Variants in TP73 observed in about 807,000 individuals in gnomAD.
TP73 encodes the protein p53-like transcription factor.
TP73 carries 25 observed loss-of-function variants against 62.5 expected under a neutral mutation model. The ratio of observed to expected loss-of-function variants is 0.40; its 90% CI spans 0.29 to 0.56. The LOEUF (loss-of-function observed/expected upper bound fraction) is 0.56. Ranked by LOEUF, TP73 falls within the 20% of genes least tolerant of loss-of-function variation. The pLI is 0.46. For synonymous variants in TP73, 423 were observed against 377.5 expected, an observed-to-expected ratio of 1.12 and a Z score of -1.40; for missense variants, 754 against 913.3, an observed-to-expected ratio of 0.83 and a Z score of 2.25.
chr1:3,695,800 G>C (rs533615202), intron 3 of TP73, among the ~76,000 whole-genome samples: 36 of 152,342 alleles, frequency 2.4e-4, no homozygotes, highest in South Asian at 8.3e-4. Context: ...TAGACCACAG[G>C]GGGGCAGGGC....
chr1:3,722,352 C>T (rs1641139745), intron 5 of TP73, 145 bp downstream of exon 5: 1 of 1,029,722 alleles, frequency 9.7e-7, no homozygotes, highest in African/African-American at 1.6e-5. Flanking sequence ...GTGCCTCCAC[C>T]AGCCCCCATT....
chr1:3,687,901 G>A lies in TP73; in HGVS notation c.186+4721G>A, dbSNP rs569201181. Among the ~76,000 whole-genome samples, 61 of 152,288 alleles carry A rather than the reference G, an allele frequency of 4.0e-4. No individual in the cohort carries two copies. In the South Asian group the frequency reaches 8.7e-3, roughly 22 times the overall value. Reference sequence around the variant, plus strand: ...GAACCCAGTGGCAGGACAGACACCCGGGGTCAGAACCTTCGGACACTTGGG... The same window carrying A: ...GAACCCAGTGGCAGGACAGACACCCAGGGTCAGAACCTTCGGACACTTGGG... On this transcript the variant is annotated intron_variant, in intron 3 of 13. Coordinates refer to ENST00000378295, the MANE Select transcript of TP73 (RefSeq NM_005427.4).
In TP73 at chr1:3,656,827, G is replaced by A. The variant is rs548502970; in HGVS notation, c.-34+4186G>A. Among the ~76,000 whole-genome samples the A allele has an allele frequency of 3.9e-5, 6 of 152,342 alleles. No individual in the cohort carries two copies. The East Asian group carries it at 9.6e-4, about 24-fold the overall frequency. ...CCTGGATGGGGAAAAATGGCACCTT[G>A]TATTAACCTCAAAGCAAATTTCAGC... On this transcript the variant is annotated intron_variant, in intron 1 of 13. Coordinates refer to ENST00000378295, the MANE Select transcript of TP73 (RefSeq NM_005427.4).
At chr1:3,677,998 C>G (rs1252400932) in intron 1 of TP73, among the ~76,000 whole-genome samples, 1 of 152,188 alleles carries the variant, frequency 6.6e-6, no homozygotes, top group East Asian at 1.9e-4. Flanking sequence ...AACCACTGCA[C>G]CCAGCCCATC....
chr1:3,728,000 T>C (rs1557584627), intron 8 of TP73, 129 bp from the exon 9 acceptor site: 2 of 1,194,940 alleles, frequency 1.7e-6, no homozygotes, highest in African/African-American at 3.1e-5. Context: ...TCCCTGTGGG[T>C]TGCTCACCAC....
At chr1:3,677,073 T>G (rs1227903455) in intron 1 of TP73, among the ~76,000 whole-genome samples, 2 of 152,070 alleles carry the variant, frequency 1.3e-5, no homozygotes, top group Non-Finnish European at 2.9e-5. Flanking sequence ...AGCCTTGTTT[T>G]CAGCTCCAGG....
chr1:3,734,885 CCCTT>C lies in TP73; in HGVS notation c.*1813_*1816del, dbSNP rs1642373738. 6.6e-6 allele frequency: 1 copy of C among 152,362 alleles called. No homozygotes were observed. The allele number at this position is 152,362 out of a possible 1,614,324, so 9.4% of individuals were successfully genotyped here. ...GGCTGCAGCCAGGGCGAGGGCCTGGCCCTTCCTTCCAGCTCCTTCCGGCTCCTTC... is the reference window on the plus strand; with the variant it reads ...GGCTGCAGCCAGGGCGAGGGCCTGGCCCTTCCAGCTCCTTCCGGCTCCTTC... On this transcript the variant is annotated 3_prime_UTR_variant, in exon 14 of 14. Transcript: ENST00000378295. The surrounding 1 kb of genome is among the most constrained non-coding windows in gnomAD (Gnocchi z 4.4).
rs1272448705 is a variant in TP73 at position 3,666,386 on chromosome 1, T to C, written c.-34+13745T>C. On this transcript the variant is annotated intron_variant, in intron 1 of 13. Coordinates refer to ENST00000378295, the MANE Select transcript of TP73 (RefSeq NM_005427.4). The surrounding 1 kb of genome is among the most constrained non-coding windows in gnomAD (Gnocchi z 6.4). ...CACTAATGAATGTAAAATCTTAAAA[T>C]GGTGCCTGGTGCAGAGTAAGCTGTG... Among the ~76,000 whole-genome samples, 1 of 152,212 alleles carries C rather than the reference T, an allele frequency of 6.6e-6. No individual in the cohort carries two copies. The highest frequency in any genetic ancestry group is 1.5e-5 in the Non-Finnish European group (1 of 68,038).
At chr1:3,685,860 C>T (rs1014333128) in intron 3 of TP73, among the ~76,000 whole-genome samples, 1 of 152,204 alleles carries the variant, frequency 6.6e-6, no homozygotes, top group Non-Finnish European at 1.5e-5. Context: ...TCTGAGTGCC[C>T]CCTGGAAAAC....
At position 3,730,044 on chromosome 1, in the gene TP73, T is replaced by C. The variant is rs1241456028; in HGVS notation, c.1241T>C (p.Met414Thr). Residue 414 changes from methionine (M) to threonine (T), a missense_variant, in exon 11 of 14, where the codon ATG becomes ACG. Coordinates refer to ENST00000378295, the MANE Select transcript of TP73 (RefSeq NM_005427.4). Reference protein sequence around the residue: ...PPSYGPVLSPMNKVHGGMNKL... With the variant: ...PPSYGPVLSPTNKVHGGMNKL... ...TCCTACGGGCCGGTCCTCTCGCCCA[T>C]GAACAAGGTGCACGGGGGCATGAAC... 6 of 1,609,850 alleles carry C rather than the reference T, an allele frequency of 3.7e-6. No homozygotes were observed. Among genetic ancestry groups the C allele is most frequent in the South Asian group, 2.2e-5 (2 of 90,418 alleles).
chr1:3,674,002 G>A (rs1645303355), intron 1 of TP73, among the ~76,000 whole-genome samples: 1 of 152,198 alleles, frequency 6.6e-6, no homozygotes, highest in Non-Finnish European at 1.5e-5. Flanking sequence ...GTGTGCCCAT[G>A]GAGGGCTGGT....
intron 4 of TP73, among the ~76,000 whole-genome samples, chr1:3,720,295 A>G (rs962451303): frequency 6.6e-6 from 1 of 152,130 alleles, no homozygotes; most frequent in African/African-American, 2.4e-5. Flanking sequence ...TTTAAACAGG[A>G]CTGGGGATGG....
Position 3,698,646 on chromosome 1 carries a change from G to A in TP73, c.187-8903G>A, listed in dbSNP as rs1390614183. 3.9e-5 allele frequency among the ~76,000 whole-genome samples: 6 copies of A among 152,200 alleles called. No individual in the cohort carries two copies. The East Asian group carries it at 5.8e-4, about 15-fold the overall frequency. ...CGGCACCGTGAGTGGACTCCGGGGCGGTTAGCAGGTGGAAGGCAGTGAGGG... is the reference window on the plus strand; with the variant it reads ...CGGCACCGTGAGTGGACTCCGGGGCAGTTAGCAGGTGGAAGGCAGTGAGGG... On this transcript the variant is annotated intron_variant, in intron 3 of 13. Transcript: ENST00000378295.
chr1:3,669,731 G>A (rs1419865963), intron 1 of TP73, among the ~76,000 whole-genome samples: 1 of 152,258 alleles, frequency 6.6e-6, no homozygotes, highest in Admixed American at 6.5e-5. Flanking sequence ...GCAGGAAGGG[G>A]CTGGGCATGT....
intron 1 of TP73, among the ~76,000 whole-genome samples, chr1:3,669,132 G>A (rs1645185228): frequency 6.6e-6 from 1 of 152,260 alleles, no homozygotes; most frequent in South Asian, 2.1e-4. Context: ...CTTCCACCTG[G>A]CCCCACCGAC....
intron 6 of TP73, 60 bp from the exon 7 acceptor site, chr1:3,727,055 C>A: frequency 6.8e-7 from 1 of 1,480,332 alleles, no homozygotes; most frequent in Non-Finnish European, 9.3e-7. Flanking sequence ...GGGGCTGCCA[C>A]CTTAGTGGAT....
rs1330818114 is a variant in TP73, at chr1:3,701,326, G to A, written c.187-6223G>A. 1.3e-5 allele frequency among the ~76,000 whole-genome samples: 2 copies of A among 152,052 alleles called. No homozygotes were observed. The highest frequency in any genetic ancestry group is 2.9e-5 in the Non-Finnish European group (2 of 68,008). The stretch of plus-strand genomic sequence containing the variant: ...CCTCGGCGGAGCCTGCCCAGCCGTC[G>A]TTCCTCCTGGCTGGGTTTTTGTGCC... On this transcript the variant is annotated intron_variant, in intron 3 of 13. Transcript: ENST00000378295. The surrounding 1 kb of genome is among the most constrained non-coding windows in gnomAD (Gnocchi z 4.7).
At position 3,670,665 on chromosome 1, in the gene TP73, CA is replaced by C. The variant is rs1032179036; in HGVS notation, c.-33-11660del. Among the ~76,000 whole-genome samples the C allele has an allele frequency of 6.7e-6, 1 of 150,348 alleles. No individual in the cohort carries two copies. Among genetic ancestry groups the C allele is most frequent in the Non-Finnish European group, 1.5e-5 (1 of 67,668 alleles). ...TGGGTGACAGAGCGAGACTCTATCTCAAAAAAAATAAAATAAAATAAAAAAG... is the reference window on the plus strand; with the variant it reads ...TGGGTGACAGAGCGAGACTCTATCTCAAAAAAATAAAATAAAATAAAAAAG... On this transcript the variant is annotated intron_variant, in intron 1 of 13. Coordinates refer to ENST00000378295, the MANE Select transcript of TP73 (RefSeq NM_005427.4). The surrounding 1 kb of genome is among the most constrained non-coding windows in gnomAD (Gnocchi z 5.9).
intron 1 of TP73, among the ~76,000 whole-genome samples, chr1:3,661,527 G>A (rs913138301): frequency 1.3e-5 from 2 of 151,604 alleles, no homozygotes; most frequent in African/African-American, 4.8e-5. Flanking sequence ...TGGGCAACAT[G>A]GCAAAACCCC....
Sources: gnomAD v4.1 joint callset for allele counts (sites outside exome capture counted in the v4.1 genomes callset) on GRCh38, gnomAD v4.1.1 for gene constraint, Gnocchi (gnomAD v3.1) non-coding constraint, MANE v1.5 for transcripts, NCBI Gene and HGNC (gene_info 2026-07-23, HGNC 2026-07-21) for gene names.